Variants in KIDINS220 observed in about 807,000 individuals in gnomAD.
The protein encoded by KIDINS220 is kinase D interacting substrate 220, also known as kinase D-interacting substrate of 220 kDa.
In KIDINS220, 63 loss-of-function variants were observed where a neutral mutation model predicts 157.6. The observed-to-expected ratio is 0.40, with a 90% confidence interval of 0.33 to 0.49. KIDINS220 has a LOEUF of 0.49. KIDINS220 is among the 20% of genes least tolerant of loss of function. KIDINS220 has a pLI of 0.66. For missense variants in KIDINS220, 1,772 were observed against 2,171.2 expected (o/e 0.82, Z 3.65); for synonymous variants, 732 against 783.6 (o/e 0.93, Z 1.10).
chr2:8,791,283 C>T (rs996890762), intron 12 of KIDINS220, 59 bp from the exon 13 acceptor site: 2 of 1,404,106 alleles, frequency 1.4e-6, no homozygotes, highest in African/African-American at 2.8e-5. Flanking sequence ...TAGAAATGAA[C>T]ACTATTTTCA....
downstream of KIDINS220, chr2:8,726,971 T>TA (rs1450773563): frequency 2.4e-6 from 3 of 1,258,966 alleles, no homozygotes; most frequent in African/African-American, 4.6e-5. Context: ...TAAAATTATG[T>TA]AAGATTGTAA....
intron 22 of KIDINS220, among the ~76,000 whole-genome samples, chr2:8,758,520 A>G (rs1668336534): frequency 6.6e-6 from 1 of 151,956 alleles, no homozygotes; most frequent in Admixed American, 6.5e-5. Flanking sequence ...TTCTGGTTTC[A>G]TTGCTTTTTT....
chr2:8,779,164 G>A, intron 18 of KIDINS220, 25 bp from the exon 19 acceptor site: 1 of 1,605,970 alleles, frequency 6.2e-7, no homozygotes, highest in Non-Finnish European at 8.5e-7. Flanking sequence ...ATGTACAGTT[G>A]TGACATACAT....
chr2:8,765,539 G>A (rs895483958), intron 22 of KIDINS220, among the ~76,000 whole-genome samples: 12 of 152,236 alleles, frequency 7.9e-5, no homozygotes, highest in Middle Eastern at 3.4e-3. Flanking sequence ...AAAGTATTGC[G>A]ACAGGGGAGA....
chr2:8,784,273 A>T (rs879552424), intron 17 of KIDINS220, among the ~76,000 whole-genome samples: 1 of 152,160 alleles, frequency 6.6e-6, no homozygotes, highest in Admixed American at 6.5e-5. Flanking sequence ...ACAAAAATTA[A>T]CTCAAAATAG....
intron 26 of KIDINS220, among the ~76,000 whole-genome samples, chr2:8,738,506 G>A (rs1665198691): frequency 6.6e-6 from 1 of 152,204 alleles, no homozygotes; most frequent in African/African-American, 2.4e-5. Flanking sequence ...AAGGCTTATG[G>A]ACATCAAGAA....
intron 2 of KIDINS220, among the ~76,000 whole-genome samples, chr2:8,822,585 C>A (rs963551027): frequency 2.6e-5 from 4 of 152,122 alleles, no homozygotes; most frequent in African/African-American, 9.7e-5. Context: ...CTGGATCATG[C>A]CACTACACTC....
chr2:8,724,633 A>T (rs912485688), downstream of KIDINS220: 39 of 151,740 alleles, frequency 2.6e-4, no homozygotes, highest in African/African-American at 9.4e-4. The surrounding 1 kb of genome is among the most constrained non-coding windows in gnomAD (Gnocchi z 4.6). Flanking sequence ...AGTTTTAATT[A>T]TTTATTTATT....
intron 21 of KIDINS220, among the ~76,000 whole-genome samples, chr2:8,774,271 G>A (rs1407150878): frequency 2.9e-4 from 43 of 150,360 alleles, no homozygotes; most frequent in Non-Finnish European, 5.0e-4. Flanking sequence ...ACTCCAGCCT[G>A]GGAGACAGGG....
chr2:8,802,179 T>C (rs1674816151), intron 8 of KIDINS220, among the ~76,000 whole-genome samples: 1 of 152,154 alleles, frequency 6.6e-6, no homozygotes, highest in South Asian at 2.1e-4. Context: ...GTCATGTCTA[T>C]AACTAAAAAG....
intron 22 of KIDINS220, 138 bp downstream of exon 22, chr2:8,770,532 G>A: frequency 2.1e-6 from 1 of 474,494 alleles, no homozygotes; most frequent in African/African-American, 2.0e-5. Flanking sequence ...AAATTATAAT[G>A]GAATTAATAA....
chr2:8,727,627 T>C (rs1663458511), downstream of KIDINS220, among the ~76,000 whole-genome samples: 1 of 152,238 alleles, frequency 6.6e-6, no homozygotes, highest in African/African-American at 2.4e-5. Context: ...TGATTACAAA[T>C]GTATTTTACT....
rs1338555515 is a variant in KIDINS220, at chr2:8,736,016, C to T, written c.3717+852G>A. ...TGGAAAAGCCGGTGTTTGACTCATG[C>T]AAACAGGGACTAGCACGAGCCAGCT... On this transcript the variant is annotated intron_variant, in intron 27 of 29. Transcript: ENST00000256707. Among the ~76,000 whole-genome samples, 5 of 152,182 alleles carry T rather than the reference C, an allele frequency of 3.3e-5. 1 individual carries two copies. The South Asian group carries it at 1.0e-3, about 31-fold the overall frequency.
intron 22 of KIDINS220, among the ~76,000 whole-genome samples, chr2:8,758,895 A>C (rs1334374601): frequency 6.6e-6 from 1 of 152,244 alleles, no homozygotes; most frequent in Non-Finnish European, 1.5e-5. Flanking sequence ...CTAAGAGCTG[A>C]AGCTGTCCAC....
intron 22 of KIDINS220, among the ~76,000 whole-genome samples, chr2:8,754,583 T>C (rs1667755794): frequency 6.6e-6 from 1 of 152,212 alleles, no homozygotes; most frequent in Admixed American, 6.5e-5. Context: ...TAAATGCAAT[T>C]TCCTTCTATG....
At position 8,735,895 on chromosome 2, in the gene KIDINS220, C is replaced by T. The variant is rs185910406; in HGVS notation, c.3717+973G>A. Among the ~76,000 whole-genome samples the T allele has an allele frequency of 1.2e-3, 180 of 152,254 alleles. 2 individuals are homozygous for T. The Middle Eastern group carries it at 0.024, about 20-fold the overall frequency. On this transcript the variant is annotated intron_variant, in intron 27 of 29. Transcript: ENST00000256707. Reference sequence around the variant, plus strand: ...CTGAGTGGGGAGAAAACCACTACCCCGATGGGAACAAAATCATCACAAAGG... The same window carrying T: ...CTGAGTGGGGAGAAAACCACTACCCTGATGGGAACAAAATCATCACAAAGG...
downstream of KIDINS220, chr2:8,726,852 C>T: frequency 8.6e-7 from 1 of 1,163,758 alleles, no homozygotes; most frequent in Non-Finnish European, 1.1e-6. Context: ...TGGCATATGA[C>T]TGCAGCTGAC....
rs548823314 is a variant in KIDINS220 at position 8,816,776 on chromosome 2, T to C, written c.306+842A>G. On this transcript the variant is annotated intron_variant, in intron 4 of 29. Transcript: ENST00000256707. Reference sequence around the variant, plus strand: ...TTTCACTGCAACGTACTTAAGTTCTTTTTGGAAATATGTAAGATACCAGTG... The same window carrying C: ...TTTCACTGCAACGTACTTAAGTTCTCTTTGGAAATATGTAAGATACCAGTG... 4.6e-5 allele frequency among the ~76,000 whole-genome samples: 7 copies of C among 152,330 alleles called. No homozygotes were observed. The South Asian group carries it at 1.2e-3, about 27-fold the overall frequency.
At position 8,730,097 on chromosome 2, in the gene KIDINS220, C is replaced by T. The variant is rs143284260; in HGVS notation, c.*623G>A. 12 of 985,742 alleles carry T rather than the reference C, an allele frequency of 1.2e-5. No homozygotes were observed. In the East Asian group the frequency reaches 1.0e-3, roughly 84 times the overall value. The allele number at this position is 985,742 out of a possible 1,614,324, so 61.1% of individuals were successfully genotyped here. The stretch of plus-strand genomic sequence containing the variant: ...CTCTCCTAACAGCTCAGGACAGCCC[C>T]GTCACACTACTGCCAGCCCTGGTGA... On this transcript the variant is annotated 3_prime_UTR_variant, in exon 30 of 30. Coordinates refer to ENST00000256707, the MANE Select transcript of KIDINS220 (RefSeq NM_020738.4).
Sources: allele counts gnomAD v4.1 joint callset (sites outside exome capture counted in the v4.1 genomes callset), GRCh38; gene constraint gnomAD v4.1.1; non-coding constraint Gnocchi (gnomAD v3.1); transcripts MANE v1.5; gene names NCBI Gene and HGNC (gene_info 2026-07-23, HGNC 2026-07-21).